ASH1L: variants seen among roughly 807,000 people sequenced by gnomAD.
ASH1L encodes the protein histone-lysine N-methyltransferase ASH1L.
ASH1L carries 23 observed loss-of-function variants against 269.0 expected under a neutral mutation model. The ratio of observed to expected loss-of-function variants is 0.09; its 90% CI spans 0.06 to 0.12. The LOEUF is 0.12. Ranked by LOEUF, ASH1L falls within the 10% of genes least tolerant of loss-of-function variation. The probability of loss-of-function intolerance (pLI) is 1.00; values close to 1 mark genes in which losing one functional copy is unlikely to be tolerated. For synonymous variants in ASH1L, 1,187 were observed against 1,253.5 expected (o/e 0.95, Z 1.12); for missense variants, 2,912 against 3,567.8 (o/e 0.82, Z 4.68).
At chr1:155,432,649 A>G (rs1661693754) in intron 5 of ASH1L, among the ~76,000 whole-genome samples, 1 of 152,212 alleles carries the variant, frequency 6.6e-6, no homozygotes, top group Non-Finnish European at 1.5e-5. Context: ...CAAATCTCAG[A>G]ATACAATCTT....
At chr1:155,339,957 C>T (rs1012092019) in intron 25 of ASH1L, among the ~76,000 whole-genome samples, 2 of 151,950 alleles carry the variant, frequency 1.3e-5, no homozygotes, top group African/African-American at 2.4e-5. Flanking sequence ...ACGGGATCAC[C>T]GTTGTATATG....
At chr1:155,372,339 C>T (rs932956031) in intron 10 of ASH1L, among the ~76,000 whole-genome samples, 2 of 150,158 alleles carry the variant, frequency 1.3e-5, no homozygotes, top group East Asian at 3.9e-4. Context: ...GGCAAAGTCT[C>T]GCTCTGTCAC....
intron 5 of ASH1L, among the ~76,000 whole-genome samples, chr1:155,435,777 G>A (rs146764854): frequency 0.027 from 4,102 of 152,250 alleles, 66 homozygotes; most frequent in Non-Finnish European, 0.041. Context: ...TGGGCCAGGC[G>A]TGGTGGCTCA....
intron 3 of ASH1L, among the ~76,000 whole-genome samples, chr1:155,461,105 C>T (rs1664267094): frequency 6.6e-6 from 1 of 152,006 alleles, no homozygotes; most frequent in Non-Finnish European, 1.5e-5. Context: ...GCAAAAGGTA[C>T]AATAAATCAA....
intron 7 of ASH1L, among the ~76,000 whole-genome samples, chr1:155,381,448 G>T (rs967667678): frequency 7.9e-5 from 12 of 152,112 alleles, no homozygotes; most frequent in Non-Finnish European, 1.6e-4. Flanking sequence ...TACTCAGGAG[G>T]CTGAGGCAGG....
At chr1:155,531,106 T>C (rs1448814437) in intron 1 of ASH1L, among the ~76,000 whole-genome samples, 1 of 149,396 alleles carries the variant, frequency 6.7e-6, no homozygotes, top group Non-Finnish European at 1.5e-5. Flanking sequence ...TGGAGTGAGC[T>C]AGAATCGTGC....
chr1:155,476,051 T>G (rs35212551), intron 3 of ASH1L, among the ~76,000 whole-genome samples: 15,696 of 152,202 alleles, frequency 0.1, 1,076 homozygotes, highest in Non-Finnish European at 0.16. Context: ...AATAAACTAT[T>G]TGTTGAATGG....
chr1:155,488,425 C>T (rs1359766386), intron 2 of ASH1L, among the ~76,000 whole-genome samples: 1 of 145,514 alleles, frequency 6.9e-6, no homozygotes. Flanking sequence ...TTTGGGAGGC[C>T]GAGGTGGGCA....
chr1:155,374,367 A>G (rs73008954), intron 10 of ASH1L, among the ~76,000 whole-genome samples: 285 of 152,312 alleles, frequency 1.9e-3, no homozygotes, highest in African/African-American at 6.6e-3. Flanking sequence ...AAGAAAATAT[A>G]TAACAGTTTA....
chr1:155,489,933 G>A (rs192174839), intron 2 of ASH1L, among the ~76,000 whole-genome samples: 74 of 152,020 alleles, frequency 4.9e-4, no homozygotes, highest in Admixed American at 2.9e-3. Flanking sequence ...AAGCTGAAGG[G>A]CATATGCATT....
At chr1:155,441,292 T>C (rs1359373221) in intron 4 of ASH1L, among the ~76,000 whole-genome samples, 1 of 151,154 alleles carries the variant, frequency 6.6e-6, no homozygotes, top group African/African-American at 2.4e-5. Flanking sequence ...TCTCTCTCTA[T>C]CTCCACCCCC....
In ASH1L at chr1:155,347,698, G is replaced by C. The variant is rs771460567; in HGVS notation, c.7761C>G (p.Leu2587=). The C allele has an allele frequency of 7.4e-6, 12 of 1,614,136 alleles. No individual in the cohort carries two copies. In the East Asian group the frequency reaches 2.5e-4, roughly 33 times the overall value. ...DDDVIRCICG[L]YKDEGLMIQC... ...GGATCATGAGACCTTCATCCTTGTA[G>C]AGGCCACAGATACAGCGAATAACAT... The change falls in exon 20 of 28, where the codon CTC becomes CTG. Residue 2587 remains leucine (L), a synonymous_variant. Coordinates refer to ENST00000392403, the MANE Select transcript of ASH1L (RefSeq NM_018489.3).
chr1:155,357,078 TAC>T (rs61213200), intron 15 of ASH1L, among the ~76,000 whole-genome samples: 727 of 53,062 alleles, frequency 0.014, 11 homozygotes, highest in African/African-American at 0.032. Flanking sequence ...ATCCCAGCTC[TAC>T]ACACACACAC....
intron 2 of ASH1L, among the ~76,000 whole-genome samples, chr1:155,516,949 T>C (rs887362327): frequency 6.6e-6 from 1 of 152,104 alleles, no homozygotes; most frequent in Non-Finnish European, 1.5e-5. Context: ...TGAAAGAAAT[T>C]AAGGAAATCT....
intron 2 of ASH1L, among the ~76,000 whole-genome samples, chr1:155,507,901 T>C (rs1243393907): frequency 6.6e-6 from 1 of 152,162 alleles, no homozygotes; most frequent in Non-Finnish European, 1.5e-5. Context: ...AAATGTTATG[T>C]ATCCACCATT....
chr1:155,550,156 G>A (rs1045353425), intron 1 of ASH1L, among the ~76,000 whole-genome samples: 1 of 152,030 alleles, frequency 6.6e-6, no homozygotes, highest in Non-Finnish European at 1.5e-5. Context: ...GAGTAGCTGC[G>A]ATTACAGGTG....
chr1:155,403,494 C>G (rs1389629683), intron 6 of ASH1L, among the ~76,000 whole-genome samples: 1 of 152,098 alleles, frequency 6.6e-6, no homozygotes, highest in Non-Finnish European at 1.5e-5. Context: ...ATTCTCTAAG[C>G]CTTAGCTTCT....
chr1:155,479,804 T>A lies in ASH1L; in HGVS notation c.3066A>T (p.Val1022=). 6.2e-7 allele frequency: 1 copy of A among 1,614,240 alleles called. No homozygotes were observed. Among genetic ancestry groups the A allele is most frequent in the African/African-American group, 1.3e-5 (1 of 75,078 alleles). The change falls in exon 3 of 28, where the codon GTA becomes GTT. Residue 1022 remains valine, a synonymous_variant. Coordinates refer to ENST00000392403, the MANE Select transcript of ASH1L (RefSeq NM_018489.3). The part of the protein sequence containing the change: ...GKVQSKLHNT[V]SSLAATFGSK... ...AGCCAAATGTGGCAGCAAGACTTGA[T>A]ACCGTATTATGGAGTTTGGATTGCA...
intron 2 of ASH1L, among the ~76,000 whole-genome samples, chr1:155,518,844 G>A (rs1668674850): frequency 6.7e-6 from 1 of 150,336 alleles, no homozygotes; most frequent in Non-Finnish European, 1.5e-5. Flanking sequence ...AAGGAATGGA[G>A]GGAGGGAGGG....
Sources: allele counts gnomAD v4.1 joint callset (sites outside exome capture counted in the v4.1 genomes callset), GRCh38; gene constraint gnomAD v4.1.1; transcripts MANE v1.5; gene names NCBI Gene and HGNC (gene_info 2026-07-23, HGNC 2026-07-21).